The following KLHL22 variants were observed in gnomAD, a reference collection of about 807,000 sequenced individuals.
KLHL22 encodes the protein kelch-like protein 22.
In KLHL22, 18 loss-of-function variants were observed where a neutral mutation model predicts 60.7. The observed-to-expected ratio is 0.30, with a 90% CI of 0.20 to 0.44. The LOEUF (loss-of-function observed/expected upper bound fraction) is 0.44, where lower values mean the gene tolerates loss of function less well. Ranked by LOEUF, KLHL22 falls within the 20% of genes least tolerant of loss-of-function variation. The probability of loss-of-function intolerance (pLI) is 1.00; values close to 1 mark genes in which losing one functional copy is unlikely to be tolerated. For missense variants in KLHL22, 596 were observed against 852.3 expected, an observed-to-expected ratio of 0.70 and a Z score of 3.74; for synonymous variants, 355 against 354.5, an observed-to-expected ratio of 1.00 and a Z score of -0.01.
chr22:20,474,138 T>C (rs2053371060), intron 2 of KLHL22, among the ~76,000 whole-genome samples: 1 of 152,102 alleles, frequency 6.6e-6, no homozygotes, highest in Non-Finnish European at 1.5e-5. Flanking sequence ...TAGCTGGGAC[T>C]ACAGGTGCCC....
intron 3 of KLHL22, among the ~76,000 whole-genome samples, chr22:20,470,959 G>C (rs2053316916): frequency 6.6e-6 from 1 of 152,228 alleles, no homozygotes; most frequent in Non-Finnish European, 1.5e-5. Context: ...GGCCCAGTGA[G>C]GGGACAGGCA....
chr22:20,454,955 C>T (rs1056699673), intron 5 of KLHL22, among the ~76,000 whole-genome samples: 3 of 152,156 alleles, frequency 2.0e-5, no homozygotes, highest in Non-Finnish European at 2.9e-5. Context: ...GATCTCAGCT[C>T]ACTACAACCT....
rs1296684525 is a variant in KLHL22, at chr22:20,464,958, G to A, written c.1012C>T (p.Arg338Cys). The change falls in exon 4 of 7, where the codon CGC becomes TGC. Residue 338 changes from arginine to cysteine, a missense_variant. Coordinates refer to ENST00000328879, the MANE Select transcript of KLHL22 (RefSeq NM_032775.4). ...WKHFTASLAP[R>C]MSNQGIAVLN... ...ACCGCGATGCCCTGGTTGGACATGC[G>A]GGGGGCCAGGGAGGCAGTGAAGTGC... 6.2e-6 allele frequency: 10 copies of A among 1,606,876 alleles called. No homozygotes were observed. Among genetic ancestry groups the A allele is most frequent in the East Asian group, 2.2e-5 (1 of 44,892 alleles).
chr22:20,441,959 T>C lies in KLHL22; in HGVS notation c.*114A>G, dbSNP rs2052764517. On this transcript the variant is annotated 3_prime_UTR_variant, in exon 7 of 7. Coordinates refer to ENST00000328879, the MANE Select transcript of KLHL22 (RefSeq NM_032775.4). ...GAAAGAGGGCAGGGCCCATAAGCTG[T>C]GGCCAACAGGGGCAGGGGCCCTGCC... is the stretch of plus-strand genomic sequence containing the variant. 2 of 1,110,980 alleles carry C rather than the reference T, an allele frequency of 1.8e-6. No individual in the cohort carries two copies. Among genetic ancestry groups the C allele is most frequent in the South Asian group, 2.1e-5 (1 of 46,716 alleles). The allele number at this position is 1,110,980 out of a possible 1,614,324, so 68.8% of individuals were successfully genotyped here. A position where few individuals can be genotyped will look rare whatever the true frequency, so the allele number is the denominator to read the frequency against.
At chr22:20,482,561 TTTTG>T (rs568882525) in intron 2 of KLHL22, among the ~76,000 whole-genome samples, 140 of 151,942 alleles carry the variant, frequency 9.2e-4, no homozygotes, top group Non-Finnish European at 1.6e-3. Context: ...TTATGTTTTG[TTTTG>T]TTTGTTTGTT....
intron 1 of KLHL22, among the ~76,000 whole-genome samples, chr22:20,492,526 C>A (rs978472668): frequency 1.3e-5 from 2 of 152,136 alleles, no homozygotes; most frequent in Non-Finnish European, 2.9e-5. Context: ...CAAGGTCTAG[C>A]TCGATTACTT....
At chr22:20,489,838 G>T (rs1265844979) in intron 1 of KLHL22, 1 of 470,064 alleles carries the variant, frequency 2.1e-6, no homozygotes, top group African/African-American at 2.0e-5. Flanking sequence ...CATTTCCAGG[G>T]CCTACTTTCC....
At chr22:20,492,354 A>C (rs4821372) in intron 1 of KLHL22, among the ~76,000 whole-genome samples, 1 of 151,988 alleles carries the variant, frequency 6.6e-6, no homozygotes, top group African/African-American at 2.4e-5. Flanking sequence ...TGCCCCTACC[A>C]GTTTCCCTAC....
chr22:20,451,747 A>T (rs1327515474), intron 5 of KLHL22: 9 of 1,574,510 alleles, frequency 5.7e-6, no homozygotes, highest in Non-Finnish European at 7.9e-6. Context: ...CAACCCTATC[A>T]TCAACAGCTG....
chr22:20,489,699 C>T, intron 1 of KLHL22: 1 of 471,278 alleles, frequency 2.1e-6, no homozygotes, highest in Non-Finnish European at 4.4e-6. Flanking sequence ...AAGAGCTCTT[C>T]CTCCCTCCCA....
rs894450925 is a variant in KLHL22 at position 20,457,793 on chromosome 22, C to T, written c.1305+15G>A. On this transcript the variant is annotated intron_variant, in intron 5 of 6. Coordinates refer to ENST00000328879, the MANE Select transcript of KLHL22 (RefSeq NM_032775.4). ...AATTAGGCAGGAGAAGGCCCCTCTT[C>T]GAGGGCTTCCTTACCTCCCTCTTGA... is the stretch of plus-strand genomic sequence containing the variant. 8.3e-6 allele frequency: 13 copies of T among 1,570,476 alleles called. No individual in the cohort carries two copies. The East Asian group carries it at 1.4e-4, about 17-fold the overall frequency.
At chr22:20,489,983 T>C in intron 1 of KLHL22, 1 of 357,830 alleles carries the variant, frequency 2.8e-6, no homozygotes, top group Non-Finnish European at 5.6e-6. Context: ...GCAAACTGAT[T>C]TGAATTGGAG....
Position 20,465,100 on chromosome 22 carries a change from T to C in KLHL22, c.870A>G (p.Gln290=), listed in dbSNP as rs773325571. The C allele has an allele frequency of 1.9e-6, 3 of 1,613,902 alleles. No homozygotes were observed. The highest frequency in any genetic ancestry group is 2.2e-5 in the South Asian group (2 of 91,080). ...ACTGGAAGTCCGACCGCAGCTCCGT[T>C]TGCGGGCTCTGCAGGCTGGGCTGTA... ...ESLQPSLQSP[Q]TELRSDFQCV... is the part of the protein sequence containing the mutation. The change falls in exon 4 of 7, where the codon CAA becomes CAG. Residue 290 remains glutamine (Q), a synonymous_variant. Transcript: ENST00000328879. This position sits in a 1 kb window ranked among gnomAD's most constrained non-coding sequence, Gnocchi z 4.9.
At chr22:20,491,913 C>T (rs1422013567) in intron 1 of KLHL22, 5 of 152,334 alleles carry the variant, frequency 3.3e-5, no homozygotes, top group Admixed American at 1.3e-4. Flanking sequence ...ATTCCTTTCC[C>T]CCTCCTGGGC....
At chr22:20,479,672 G>A (rs1159852756) in intron 2 of KLHL22, among the ~76,000 whole-genome samples, 1 of 152,102 alleles carries the variant, frequency 6.6e-6, no homozygotes, top group Non-Finnish European at 1.5e-5. Flanking sequence ...CTCCAGCCTA[G>A]GTGACAGAGC....
rs361774 is a variant in KLHL22, at chr22:20,470,786, AGATG to A, written c.393+560_393+563del. ...TGGATGCATGCATGGATGGATGGAT[AGATG>A]GATGGATGGATGGATGGATGGATGG... On this transcript the variant is annotated intron_variant, in intron 3 of 6. Coordinates refer to ENST00000328879, the MANE Select transcript of KLHL22 (RefSeq NM_032775.4). 6.1e-3 allele frequency among the ~76,000 whole-genome samples: 839 copies of A among 137,750 alleles called. 6 individuals carry two copies. The highest frequency in any genetic ancestry group is 7.1e-3 in the Non-Finnish European group (455 of 63,786). 90.4% of individuals were successfully genotyped at this position (137,750 alleles called of 152,430 possible). A position where few individuals can be genotyped will look rare whatever the true frequency, so the allele number is the denominator to read the frequency against.
At chr22:20,490,912 CT>C (rs2146292220) in intron 1 of KLHL22, among the ~76,000 whole-genome samples, 1 of 152,268 alleles carries the variant, frequency 6.6e-6, no homozygotes, top group East Asian at 1.9e-4. Flanking sequence ...TTGCGGACCC[CT>C]GCTCTAATTC....
At position 20,471,358 on chromosome 22, in the gene KLHL22, G is replaced by C; in HGVS notation, c.385C>G (p.Gln129Glu). 6.2e-7 allele frequency: 1 copy of C among 1,613,692 alleles called. No homozygotes were observed. The change falls in exon 3 of 7, where the codon CAG becomes GAG. Residue 129 changes from glutamine to glutamate, a missense_variant. Gln to Glu is a conservative substitution (Grantham distance 29). Coordinates refer to ENST00000328879, the MANE Select transcript of KLHL22 (RefSeq NM_032775.4). ...NVQETLVAACQLQIPEIIHFC... is the reference protein window; with the variant it reads ...NVQETLVAACELQIPEIIHFC... ...GATGAGACATGCCTCACCTGAAGCT[G>C]GCAGGCAGCCACCAGTGTCTCTTGT... is the stretch of plus-strand genomic sequence containing the variant.
chr22:20,446,117 T>C (rs1241342958), intron 6 of KLHL22, among the ~76,000 whole-genome samples: 1 of 152,224 alleles, frequency 6.6e-6, no homozygotes, highest in East Asian at 1.9e-4. Flanking sequence ...GATACTGTCA[T>C]GGTGACATTT....
Sources: gnomAD v4.1 joint callset for allele counts (sites outside exome capture counted in the v4.1 genomes callset) on GRCh38, gnomAD v4.1.1 for gene constraint, Gnocchi (gnomAD v3.1) non-coding constraint, MANE v1.5 for transcripts, NCBI Gene and HGNC (gene_info 2026-07-23, HGNC 2026-07-21) for gene names.